ANXA4: variants seen among roughly 807,000 people sequenced by gnomAD.
ANXA4 encodes the protein 35-beta calcimedin.
ANXA4 carries 39 observed loss-of-function variants against 49.8 expected under a neutral mutation model. The ratio of observed to expected loss-of-function variants is 0.78; its 90% CI spans 0.61 to 1.02. The LOEUF is 1.02. Among genes scored for constraint, ANXA4 ranks in the 50% least tolerant of loss-of-function variants. The pLI, the probability that ANXA4 is intolerant of heterozygous loss-of-function variation, is 0.00. For synonymous variants in ANXA4, 134 were observed against 152.5 expected (o/e 0.88, Z 0.89); for missense variants, 360 against 410.1 (o/e 0.88, Z 1.05).
chr2:69,647,873 A>C (rs1256326862), intron 1 of ANXA4, among the ~76,000 whole-genome samples: 1 of 152,172 alleles, frequency 6.6e-6, no homozygotes, highest in Non-Finnish European at 1.5e-5. Flanking sequence ...ATTTTATTTA[A>C]TCTTCATGGT....
upstream of ANXA4, among the ~76,000 whole-genome samples, chr2:69,739,644 G>C (rs146145224): frequency 1.3e-5 from 2 of 151,622 alleles, no homozygotes; most frequent in African/African-American, 4.8e-5. Context: ...GGCTGATCTC[G>C]AACTCCTGAC....
intron 1 of ANXA4, among the ~76,000 whole-genome samples, chr2:69,645,749 C>T (rs1054955163): frequency 1.3e-5 from 2 of 152,178 alleles, no homozygotes; most frequent in African/African-American, 4.8e-5. Flanking sequence ...AAAAACATGA[C>T]TAGATTCCTT....
chr2:69,652,816 G>A (rs140024969), intron 1 of ANXA4, among the ~76,000 whole-genome samples: 3 of 152,248 alleles, frequency 2.0e-5, no homozygotes, highest in South Asian at 2.1e-4. Context: ...CCCAGACAGT[G>A]CCACTGCACC....
intron 2 of ANXA4, among the ~76,000 whole-genome samples, chr2:69,719,229 A>G (rs1231938932): frequency 9.1e-6 from 1 of 109,848 alleles, no homozygotes; most frequent in African/African-American, 3.5e-5. Flanking sequence ...CCCCATTTTT[A>G]CAGTTTTCTA....
chr2:69,814,342 CTTT>C (rs781253870), intron 8 of ANXA4, among the ~76,000 whole-genome samples: 4 of 97,310 alleles, frequency 4.1e-5, no homozygotes, highest in Non-Finnish European at 5.6e-5. Context: ...GTATTTTATT[CTTT>C]TTTTTTTTTT....
chr2:69,707,272 T>C (rs1678528409), intron 2 of ANXA4, among the ~76,000 whole-genome samples: 2 of 152,158 alleles, frequency 1.3e-5, no homozygotes, highest in Admixed American at 1.3e-4. Context: ...GCATTTCAGT[T>C]TCTTCTATAG....
chr2:69,807,729 G>T (rs1408270419), intron 5 of ANXA4, among the ~76,000 whole-genome samples, 177 bp from the exon 6 acceptor site: 2 of 152,176 alleles, frequency 1.3e-5, no homozygotes, highest in Non-Finnish European at 1.5e-5. Flanking sequence ...ACTCATAATT[G>T]TTACGGCAAA....
intron 5 of ANXA4, 67 bp downstream of exon 5, chr2:69,806,565 C>T: frequency 7.4e-7 from 1 of 1,343,136 alleles, no homozygotes; most frequent in Non-Finnish European, 1.1e-6. Context: ...TCTTAAGAAA[C>T]TGTCACCCAA....
At chr2:69,777,953 C>G (rs531270133) in intron 1 of ANXA4, among the ~76,000 whole-genome samples, 2 of 152,356 alleles carry the variant, frequency 1.3e-5, no homozygotes, top group Admixed American at 1.3e-4. Context: ...CACAACTACT[C>G]ATTTCTGCTG....
intron 9 of ANXA4, chr2:69,816,458 A>G: frequency 2.9e-6 from 1 of 341,168 alleles, no homozygotes; most frequent in Non-Finnish European, 5.5e-6. Context: ...TGACCTTCAC[A>G]GTCAGTCCTT....
At chr2:69,740,855 G>T (rs989840793), upstream of ANXA4, among the ~76,000 whole-genome samples, 234 of 98,350 alleles carry the variant, frequency 2.4e-3, 2 homozygotes, top group African/African-American at 8.8e-3. Flanking sequence ...CTATATATAT[G>T]TTTTTTTTTT....
intron 3 of ANXA4, among the ~76,000 whole-genome samples, chr2:69,721,819 A>G (rs962126678): frequency 3.3e-5 from 5 of 152,190 alleles, no homozygotes; most frequent in Admixed American, 3.3e-4. Context: ...AACCTTTATT[A>G]TATTCCTGTA....
chr2:69,661,328 CA>C (rs747846055), intron 2 of ANXA4, among the ~76,000 whole-genome samples: 3 of 151,106 alleles, frequency 2.0e-5, no homozygotes, highest in Non-Finnish European at 4.4e-5. Flanking sequence ...GGAAGAAATG[CA>C]ATGCAAGAAA....
intron 3 of ANXA4, among the ~76,000 whole-genome samples, chr2:69,794,310 T>A (rs1239672960): frequency 6.6e-6 from 1 of 152,190 alleles, no homozygotes; most frequent in East Asian, 1.9e-4. Flanking sequence ...CAGCAAAGCC[T>A]CCACTGTAAC....
At chr2:69,793,071 G>A (rs1007213651) in intron 3 of ANXA4, among the ~76,000 whole-genome samples, 1 of 151,452 alleles carries the variant, frequency 6.6e-6, no homozygotes, top group African/African-American at 2.4e-5. Flanking sequence ...GGCCAACATG[G>A]TGAAACCCCG....
chr2:69,820,637 AAAG>A, intron 11 of ANXA4, 59 bp from the exon 12 acceptor site: 1 of 1,596,562 alleles, frequency 6.3e-7, no homozygotes, highest in Non-Finnish European at 8.5e-7. Context: ...TTGATAGACT[AAAG>A]AAGACACTGA....
chr2:69,726,355 C>T (rs1235206589), intron 3 of ANXA4, among the ~76,000 whole-genome samples: 1 of 152,178 alleles, frequency 6.6e-6, no homozygotes, highest in Non-Finnish European at 1.5e-5. Flanking sequence ...ATAAATTACC[C>T]AGTCTTGGGT....
chr2:69,820,760 T>C lies in ANXA4; in HGVS notation c.845T>C (p.Met282Thr). ...RVMVSRAEID[M>T]LDIRAHFKRL... ...ATGGTTTCTCGAGCAGAAATTGACA[T>C]GTTGGATATCCGGGCACACTTCAAG... The change falls in exon 12 of 13, where the codon ATG becomes ACG. Residue 282 changes from methionine to threonine, a missense_variant. Physicochemically the swap from Met to Thr is moderately conservative, Grantham distance 81. Transcript: ENST00000394295. 2 of 1,614,120 alleles carry C rather than the reference T, an allele frequency of 1.2e-6. No individual in the cohort carries two copies. Among genetic ancestry groups the C allele is most frequent in the Non-Finnish European group, 1.7e-6 (2 of 1,180,018 alleles).
In ANXA4 at chr2:69,735,999, C is replaced by T. The variant is rs1453968791; in HGVS notation, n.864+15128C>T. The stretch of plus-strand genomic sequence containing the variant: ...TTCATGGGTTCTATTTACATGATCT[C>T]TGCAACATGGTGGTTTCAGGGCTGC... On this transcript the variant is annotated intron_variant and non_coding_transcript_variant, in intron 3 of 3. Transcript: ENST00000418066. 1.3e-5 allele frequency among the ~76,000 whole-genome samples: 2 copies of T among 152,174 alleles called. 1 individual carries two copies. The highest frequency in any genetic ancestry group is 3.8e-4 in the East Asian group (2 of 5,198).
Sources: gnomAD v4.1 joint callset for allele counts (sites outside exome capture counted in the v4.1 genomes callset) on GRCh38, gnomAD v4.1.1 for gene constraint, MANE v1.5 for transcripts, NCBI Gene and HGNC (gene_info 2026-07-23, HGNC 2026-07-21) for gene names.